The following TEAD1 variants were observed in gnomAD, a reference collection of about 807,000 sequenced individuals.
TEAD1 encodes TEA domain transcription factor 1, also known as transcriptional enhancer factor TEF-1.
Under a neutral mutation model 54.9 loss-of-function variants are expected in TEAD1, and 9 were observed. The ratio of observed to expected loss-of-function variants is 0.16; its 90% confidence interval spans 0.10 to 0.29. The LOEUF is 0.29. Among genes scored for constraint, TEAD1 ranks in the 10% least tolerant of loss-of-function variants. The pLI is 1.00. For synonymous variants in TEAD1, 200 were observed against 187.8 expected (o/e 1.07, Z -0.53); for missense variants, 387 against 535.9 (o/e 0.72, Z 2.74).
chr11:12,897,816 C>T (rs1948342552), intron 9 of TEAD1, among the ~76,000 whole-genome samples: 1 of 152,078 alleles, frequency 6.6e-6, no homozygotes, highest in Admixed American at 6.6e-5. Flanking sequence ...TGCTGTTGTT[C>T]CTTTCCCAAA....
At chr11:12,751,739 G>C (rs1185476157) in intron 2 of TEAD1, among the ~76,000 whole-genome samples, 1 of 152,130 alleles carries the variant, frequency 6.6e-6, no homozygotes, top group Non-Finnish European at 1.5e-5. Flanking sequence ...AAGGCAGCAT[G>C]CAAGACTGTA....
intron 3 of TEAD1, among the ~76,000 whole-genome samples, chr11:12,852,072 CT>C (rs1947285668): frequency 6.6e-6 from 1 of 152,110 alleles, no homozygotes; most frequent in East Asian, 1.9e-4. Context: ...ATGAATAGGA[CT>C]TTGCAGGTAA....
chr11:12,814,185 T>G (rs1365642284), intron 3 of TEAD1, among the ~76,000 whole-genome samples: 1 of 152,104 alleles, frequency 6.6e-6, no homozygotes, highest in East Asian at 1.9e-4. Context: ...TTGCTCTCTC[T>G]GGAAGGAGGA....
chr11:12,815,257 CCCTT>C (rs1298362275), intron 3 of TEAD1, among the ~76,000 whole-genome samples: 1 of 152,022 alleles, frequency 6.6e-6, no homozygotes. Context: ...CTCCCATCCT[CCCTT>C]CCTTCCTTTT....
At chr11:12,786,414 T>G (rs1945678341) in intron 3 of TEAD1, among the ~76,000 whole-genome samples, 1 of 152,250 alleles carries the variant, frequency 6.6e-6, no homozygotes, top group African/African-American at 2.4e-5. Context: ...CAGAGTGGTC[T>G]GGATTTGCCC....
chr11:12,932,369 C>G (rs952836100), intron 12 of TEAD1, among the ~76,000 whole-genome samples: 3 of 152,042 alleles, frequency 2.0e-5, no homozygotes, highest in Non-Finnish European at 4.4e-5. Flanking sequence ...TAAGTGGCCT[C>G]AGGAATTAAC....
intron 3 of TEAD1, among the ~76,000 whole-genome samples, chr11:12,814,739 T>C (rs1486459717): frequency 6.6e-6 from 1 of 151,488 alleles, no homozygotes; most frequent in African/African-American, 2.4e-5. Flanking sequence ...CCAGGAATTC[T>C]GATCTCAAGT....
chr11:12,783,688 T>C (rs938432651), intron 3 of TEAD1, among the ~76,000 whole-genome samples: 1 of 152,128 alleles, frequency 6.6e-6, no homozygotes, highest in African/African-American at 2.4e-5. Flanking sequence ...TCTTAACCAC[T>C]AGGCTGAATT....
chr11:12,826,960 C>T (rs558313877), intron 3 of TEAD1, among the ~76,000 whole-genome samples: 37 of 152,266 alleles, frequency 2.4e-4, no homozygotes, highest in African/African-American at 8.9e-4. Context: ...TCTTGTACTC[C>T]CATGGTTTGA....
intron 3 of TEAD1, among the ~76,000 whole-genome samples, chr11:12,770,533 C>G (rs1462066476): frequency 1.3e-5 from 2 of 152,158 alleles, no homozygotes; most frequent in Non-Finnish European, 2.9e-5. Context: ...AGTTAACATA[C>G]CAGGCACTTT....
At chr11:12,903,003 A>G (rs902034709) in intron 10 of TEAD1, among the ~76,000 whole-genome samples, 30 of 152,122 alleles carry the variant, frequency 2.0e-4, no homozygotes, top group African/African-American at 6.8e-4. Flanking sequence ...ATGCTGTGTC[A>G]TGATTGTTTG....
intron 2 of TEAD1, among the ~76,000 whole-genome samples, chr11:12,742,219 T>G (rs1191357738): frequency 6.6e-6 from 1 of 152,232 alleles, no homozygotes; most frequent in African/African-American, 2.4e-5. Context: ...TGAACCTGGG[T>G]TTGAATTTCA....
intron 3 of TEAD1, among the ~76,000 whole-genome samples, chr11:12,855,368 C>T (rs927935548): frequency 6.6e-6 from 1 of 152,072 alleles, no homozygotes; most frequent in Non-Finnish European, 1.5e-5. Context: ...CAGCTCACTG[C>T]AACCTCTGAC....
At chr11:12,776,412 A>G (rs1400197871) in intron 3 of TEAD1, among the ~76,000 whole-genome samples, 2 of 151,908 alleles carry the variant, frequency 1.3e-5, no homozygotes, top group Non-Finnish European at 2.9e-5. Flanking sequence ...TTATTCCTAG[A>G]GGGTTGGGGG....
intron 3 of TEAD1, among the ~76,000 whole-genome samples, chr11:12,853,768 G>T (rs942912752): frequency 2.0e-5 from 3 of 152,156 alleles, no homozygotes; most frequent in Non-Finnish European, 4.4e-5. Context: ...AGAACACAGT[G>T]TTCTATGGAG....
chr11:12,713,966 T>A (rs1450000176), intron 2 of TEAD1, among the ~76,000 whole-genome samples: 1 of 152,218 alleles, frequency 6.6e-6, no homozygotes, highest in African/African-American at 2.4e-5. Context: ...CTCACTTTGA[T>A]GAATGGCCTA....
chr11:12,719,955 T>G (rs1944152505), intron 2 of TEAD1, among the ~76,000 whole-genome samples: 1 of 27,306 alleles, frequency 3.7e-5, no homozygotes, highest in African/African-American at 3.0e-4. Context: ...TAATGTTTTT[T>G]TTTTTTTTTT....
chr11:12,704,292 TAGAC>T (rs762959650), intron 2 of TEAD1, among the ~76,000 whole-genome samples: 7 of 152,224 alleles, frequency 4.6e-5, no homozygotes, highest in African/African-American at 1.7e-4. Context: ...TCTGAGAAGT[TAGAC>T]AGAGTTGAAG....
Position 12,878,326 on chromosome 11 carries a change from T to A in TEAD1, c.331-1382T>A, listed in dbSNP as rs188363756. On this transcript the variant is annotated intron_variant, in intron 5 of 12. Transcript: ENST00000527636. Reference sequence around the variant, plus strand: ...TTGATGCCTTGATGTGTTTTTTTCATCACCTTTGGTTATATCAGTAAGCAT... The same window carrying A: ...TTGATGCCTTGATGTGTTTTTTTCAACACCTTTGGTTATATCAGTAAGCAT... Among the ~76,000 whole-genome samples the A allele has an allele frequency of 1.0e-3, 159 of 152,314 alleles. 5 individuals are homozygous for A. The highest frequency in any genetic ancestry group is 9.4e-3 in the Admixed American group (144 of 15,308).
Sources: gnomAD v4.1 joint callset for allele counts (sites outside exome capture counted in the v4.1 genomes callset) on GRCh38, gnomAD v4.1.1 for gene constraint, MANE v1.5 for transcripts, NCBI Gene and HGNC (gene_info 2026-07-23, HGNC 2026-07-21) for gene names.